Variants in GPM6A observed in about 807,000 individuals in gnomAD.
GPM6A encodes neuronal membrane glycoprotein M6-a.
In GPM6A, 7 loss-of-function variants were observed where a neutral mutation model predicts 32.1. That is an observed-to-expected ratio of 0.22 (90% CI 0.12 to 0.41). GPM6A has a LOEUF of 0.41. Among genes scored for constraint, GPM6A ranks in the 10% least tolerant of loss-of-function variants. GPM6A has a pLI of 1.00. For missense variants in GPM6A, 235 were observed against 347.2 expected (o/e 0.68, Z 2.57); for synonymous variants, 130 against 123.4 (o/e 1.05, Z -0.35).
In GPM6A at chr4:175,832,551, T is replaced by C. The variant is rs530172925; in HGVS notation, c.-22-20302A>G. On this transcript the variant is annotated intron_variant, in intron 1 of 7. Coordinates refer to the GPM6A transcript ENST00000280187. ...TATCTACCCACAGGAGCTTAAAGTC[T>C]GTTTAGAATCTGGCAGAAGGAATTA... Among the ~76,000 whole-genome samples the C allele has an allele frequency of 2.6e-5, 4 of 152,244 alleles. No individual in the cohort carries two copies. The East Asian group carries it at 7.7e-4, about 29-fold the overall frequency.
chr4:175,675,657 A>C (rs79123237), intron 2 of GPM6A, among the ~76,000 whole-genome samples: 1 of 151,680 alleles, frequency 6.6e-6, no homozygotes, highest in Non-Finnish European at 1.5e-5. Flanking sequence ...TTATTTATTT[A>C]TTTATTTTTC....
At chr4:175,976,125 T>C (rs1740649547) in intron 1 of GPM6A, among the ~76,000 whole-genome samples, 1 of 152,028 alleles carries the variant, frequency 6.6e-6, no homozygotes, top group African/African-American at 2.4e-5. Context: ...TACTTCACAA[T>C]TTTTAACACA....
Position 175,975,586 on chromosome 4 carries a change from A to G in GPM6A, c.-23+26723T>C, listed in dbSNP as rs1196414043. On this transcript the variant is annotated intron_variant, in intron 1 of 7. Coordinates refer to the GPM6A transcript ENST00000280187. ...ATCCAGACTTCTCAGCATTGCACTA[A>G]TGCCTCTAGAATTGCATTTCTCACC... Among the ~76,000 whole-genome samples, 4 of 152,352 alleles carry G rather than the reference A, an allele frequency of 2.6e-5. No individual in the cohort carries two copies. The East Asian group carries it at 5.8e-4, about 22-fold the overall frequency.
intron 1 of GPM6A, among the ~76,000 whole-genome samples, chr4:175,840,242 T>C (rs757341551): frequency 1.3e-5 from 2 of 152,192 alleles, no homozygotes; most frequent in Non-Finnish European, 2.9e-5. Context: ...GTGATTTCAA[T>C]CTTTAAAGTA....
intron 1 of GPM6A, among the ~76,000 whole-genome samples, chr4:175,990,521 C>A (rs926300551): frequency 6.6e-6 from 1 of 152,234 alleles, no homozygotes; most frequent in South Asian, 2.1e-4. Flanking sequence ...TCCTTCGTTA[C>A]GTCATTATGT....
At chr4:175,898,833 T>A (rs1737870257) in intron 1 of GPM6A, among the ~76,000 whole-genome samples, 1 of 152,238 alleles carries the variant, frequency 6.6e-6, no homozygotes, top group South Asian at 2.1e-4. Flanking sequence ...TTCTCTCTAG[T>A]AACATTGCTG....
At chr4:175,695,901 G>A (rs1744553415) in intron 2 of GPM6A, among the ~76,000 whole-genome samples, 1 of 152,098 alleles carries the variant, frequency 6.6e-6, no homozygotes, top group Admixed American at 6.6e-5. Context: ...TTGGATCATA[G>A]GGGTGGTTTC....
intron 1 of GPM6A, among the ~76,000 whole-genome samples, chr4:175,907,925 G>A (rs1738182957): frequency 6.6e-6 from 1 of 151,964 alleles, no homozygotes; most frequent in African/African-American, 2.4e-5. Flanking sequence ...TTTGTTATAG[G>A]GGCCTCAGCC....
At chr4:175,857,181 G>A (rs1281509041) in intron 1 of GPM6A, among the ~76,000 whole-genome samples, 1 of 152,114 alleles carries the variant, frequency 6.6e-6, no homozygotes, top group East Asian at 1.9e-4. Flanking sequence ...ATTTTAAAAT[G>A]TAATTGATTC....
chr4:175,787,329 AC>A (rs1193905234), intron 1 of GPM6A: 1 of 1,520,366 alleles, frequency 6.6e-7, no homozygotes. Context: ...GTCACCCTTG[AC>A]CTTACCTTCC....
intron 1 of GPM6A, among the ~76,000 whole-genome samples, chr4:175,728,310 A>C (rs540628340): frequency 1.3e-5 from 2 of 152,286 alleles, no homozygotes; most frequent in South Asian, 2.1e-4. Context: ...TCACCAAATA[A>C]AATTTAAAAA....
chr4:175,949,445 C>T (rs1739729344), intron 1 of GPM6A, among the ~76,000 whole-genome samples: 1 of 151,996 alleles, frequency 6.6e-6, no homozygotes, highest in African/African-American at 2.4e-5. Flanking sequence ...GATTACAGAC[C>T]TTAACCACAA....
intron 1 of GPM6A, among the ~76,000 whole-genome samples, chr4:175,744,154 T>G (rs990762786): frequency 6.6e-6 from 1 of 152,068 alleles, no homozygotes; most frequent in Non-Finnish European, 1.5e-5. Context: ...GTTTGAAATA[T>G]ACAATGTTTC....
chr4:175,703,263 C>G (rs1370087602), intron 1 of GPM6A, among the ~76,000 whole-genome samples: 3 of 152,022 alleles, frequency 2.0e-5, no homozygotes, highest in Non-Finnish European at 4.4e-5. Context: ...CCTCTGCCTC[C>G]TGGGTTTAAG....
intron 1 of GPM6A, chr4:175,787,218 T>A: frequency 1.5e-6 from 1 of 680,140 alleles, no homozygotes; most frequent in South Asian, 1.7e-5. Context: ...ATTAATAAAA[T>A]TCATCTTAAA....
chr4:175,908,717 T>C (rs1243951489), intron 1 of GPM6A, among the ~76,000 whole-genome samples: 7 of 152,024 alleles, frequency 4.6e-5, no homozygotes, highest in African/African-American at 1.7e-4. Flanking sequence ...TCAACAAAAA[T>C]TTAAAAGCTA....
chr4:175,866,264 G>A (rs1736731060), intron 1 of GPM6A, among the ~76,000 whole-genome samples: 1 of 152,062 alleles, frequency 6.6e-6, no homozygotes, highest in African/African-American at 2.4e-5. Flanking sequence ...CAACTGATGA[G>A]CCCACATTAA....
intron 1 of GPM6A, among the ~76,000 whole-genome samples, chr4:175,976,850 AG>A (rs778724422): frequency 1.3e-5 from 2 of 152,362 alleles, no homozygotes; most frequent in East Asian, 3.9e-4. Context: ...TTGCATAACA[AG>A]TAAGTAGAAT....
intron 2 of GPM6A, 24 bp downstream of exon 2, chr4:175,701,551 A>G: frequency 6.4e-7 from 1 of 1,558,640 alleles, no homozygotes; most frequent in Non-Finnish European, 8.8e-7. Context: ...ATGGAAAATA[A>G]CAAGAAATAC....
Sources: gnomAD v4.1 joint callset for allele counts (sites outside exome capture counted in the v4.1 genomes callset) on GRCh38, gnomAD v4.1.1 for gene constraint, MANE v1.5 for transcripts, NCBI Gene and HGNC (gene_info 2026-07-23, HGNC 2026-07-21) for gene names.